SEMA3D: variants seen among roughly 807,000 people sequenced by gnomAD.
SEMA3D encodes the protein semaphorin-3D.
A neutral mutation model predicts 100.1 loss-of-function variants in SEMA3D; 84 were observed. That is an observed-to-expected ratio of 0.84 (90% CI 0.70 to 1.01). The LOEUF is 1.01. SEMA3D is among the 50% of genes least tolerant of loss of function. SEMA3D has a pLI of 0.00. For missense variants in SEMA3D, 875 were observed against 934.1 expected (o/e 0.94, Z 0.82); for synonymous variants, 312 against 320.7 (o/e 0.97, Z 0.29).
At chr7:85,165,292 C>A (rs957322064) in intron 1 of SEMA3D, among the ~76,000 whole-genome samples, 3 of 149,976 alleles carry the variant, frequency 2.0e-5, no homozygotes, top group Admixed American at 1.3e-4. Flanking sequence ...AAAAAAACTT[C>A]TAGAGTGAGA....
chr7:84,997,582 A>G lies in SEMA3D; in HGVS notation c.*1858T>C, dbSNP rs1487969106. 14 of 152,206 alleles carry G rather than the reference A, an allele frequency of 9.2e-5. No homozygotes were observed. The highest frequency in any genetic ancestry group is 4.4e-5 in the Non-Finnish European group (3 of 67,970). The allele number at this position is 152,206 out of a possible 1,614,324, so 9.4% of individuals were successfully genotyped here. A position where few individuals can be genotyped will look rare whatever the true frequency, so the allele number is the denominator to read the frequency against. ...ATCAAAAGGGAGTACTCAATCTCAT[A>G]TATCAGTTTGACTACTTTGAGATAG... On this transcript the variant is annotated 3_prime_UTR_variant, in exon 19 of 19. Transcript: ENST00000284136.
rs932873295 is a variant in SEMA3D, at chr7:85,130,059, A to C, written c.-40-8128T>G. ...ATTTAATGAAACACCTTAGGGAAGT[A>C]AACACCCTAGGGAAATAGGATAAAA... On this transcript the variant is annotated intron_variant, in intron 2 of 18. Transcript: ENST00000284136. Among the ~76,000 whole-genome samples the C allele has an allele frequency of 2.6e-5, 4 of 152,146 alleles. No individual in the cohort carries two copies. The East Asian group carries it at 7.7e-4, about 29-fold the overall frequency.
chr7:85,049,638 G>A (rs780203349), intron 9 of SEMA3D, among the ~76,000 whole-genome samples: 4 of 151,858 alleles, frequency 2.6e-5, no homozygotes, highest in Non-Finnish European at 5.9e-5. Context: ...TAGGTTGTAA[G>A]TGACATGCTG....
the SEMA3D span, among the ~76,000 whole-genome samples, chr7:85,228,449 G>A: frequency 6.6e-6 from 1 of 152,138 alleles, no homozygotes; most frequent in Non-Finnish European, 1.5e-5. Context: ...GATAGGAAGA[G>A]AGATATGTAA....
intron 18 of SEMA3D, among the ~76,000 whole-genome samples, chr7:85,004,730 G>A (rs1223737294): frequency 2.0e-5 from 3 of 151,996 alleles, no homozygotes; most frequent in Admixed American, 6.6e-5. Context: ...ATCCTGCTGG[G>A]AAAAATGCTT....
In SEMA3D at chr7:85,103,973, G is replaced by A. The variant is rs1788826387; in HGVS notation, c.152-6008C>T. Among the ~76,000 whole-genome samples, 4 of 152,036 alleles carry A rather than the reference G, an allele frequency of 2.6e-5. No homozygotes were observed. The South Asian group carries it at 8.3e-4, about 31-fold the overall frequency. ...ATGAAATTTTCACGTTTGTATGTAT[G>A]TGTGCATTTTTTGAAGAGTTTCTTC... On this transcript the variant is annotated intron_variant, in intron 3 of 18. Coordinates refer to ENST00000284136, the MANE Select transcript of SEMA3D (RefSeq NM_001384900.1).
At chr7:85,185,453 A>T (rs1018412402) in intron 1 of SEMA3D, among the ~76,000 whole-genome samples, 1 of 152,180 alleles carries the variant, frequency 6.6e-6, no homozygotes, top group African/African-American at 2.4e-5. Flanking sequence ...AATAGCACTA[A>T]GCTAAACGGA....
chr7:85,182,074 C>A (rs544158524), intron 1 of SEMA3D, among the ~76,000 whole-genome samples: 24 of 151,820 alleles, frequency 1.6e-4, no homozygotes, highest in African/African-American at 5.3e-4. Flanking sequence ...ATGGTGAATT[C>A]TTCTTTTCTT....
intron 2 of SEMA3D, among the ~76,000 whole-genome samples, chr7:85,134,123 A>G (rs1484697651): frequency 5.3e-5 from 8 of 152,020 alleles, no homozygotes. Flanking sequence ...CTTCTAATTC[A>G]TTGAGCCTCT....
chr7:85,128,731 A>AATTG lies in SEMA3D; in HGVS notation c.-40-6804_-40-6801dup, dbSNP rs200662635. On this transcript the variant is annotated intron_variant, in intron 2 of 18. Coordinates refer to ENST00000284136, the MANE Select transcript of SEMA3D (RefSeq NM_001384900.1). The stretch of plus-strand genomic sequence containing the variant: ...GAATAAATGGATTTGAATTGTAAAA[A>AATTG]ATTGATTATTCATAATAAAATGTAC... Among the ~76,000 whole-genome samples, 1,002 of 151,884 alleles carry AATTG rather than the reference A, an allele frequency of 6.6e-3. 6 individuals carry two copies. The highest frequency in any genetic ancestry group is 0.023 in the African/African-American group (934 of 41,496).
chr7:85,079,826 A>C (rs953892458), intron 5 of SEMA3D, among the ~76,000 whole-genome samples: 44 of 152,236 alleles, frequency 2.9e-4, no homozygotes, highest in South Asian at 1.0e-3. Flanking sequence ...ACTGTCCATT[A>C]AATGACATAA....
At chr7:85,032,148 G>A (rs775703283) in intron 12 of SEMA3D, among the ~76,000 whole-genome samples, 9 of 151,816 alleles carry the variant, frequency 5.9e-5, no homozygotes, top group Non-Finnish European at 1.3e-4. Flanking sequence ...GGTGAATTAC[G>A]TGGTCTTTAT....
At chr7:85,029,467 C>T in intron 12 of SEMA3D, 1 of 721,220 alleles carries the variant, frequency 1.4e-6, no homozygotes, top group Non-Finnish European at 2.6e-6. Context: ...ACAGAAGATT[C>T]TTAGCAAGTG....
intron 2 of SEMA3D, chr7:85,140,786 G>C (rs1411286162): frequency 7.3e-6 from 7 of 960,986 alleles, no homozygotes; most frequent in Non-Finnish European, 8.7e-6. Context: ...TTTTGCTGCT[G>C]CTTAATTATT....
At chr7:85,106,890 A>C (rs1340329628) in intron 3 of SEMA3D, among the ~76,000 whole-genome samples, 2 of 151,996 alleles carry the variant, frequency 1.3e-5, no homozygotes, top group Non-Finnish European at 2.9e-5. Flanking sequence ...GCATGGGGGA[A>C]ACCGCCCTCA....
chr7:85,117,185 C>T (rs1417042442), intron 3 of SEMA3D, among the ~76,000 whole-genome samples: 3 of 152,024 alleles, frequency 2.0e-5, no homozygotes, highest in Non-Finnish European at 2.9e-5. Context: ...CCCAAACTAC[C>T]GAAGTGAAAA....
Position 84,999,194 on chromosome 7 carries a change from C to T in SEMA3D, c.*246G>A, listed in dbSNP as rs530871042. On this transcript the variant is annotated 3_prime_UTR_variant, in exon 19 of 19. Transcript: ENST00000284136. Reference sequence around the variant, plus strand: ...AACTCAAAACATAAAACATTTACAACTGTAAACCCCCTATTTTTAGGATAA... The same window carrying T: ...AACTCAAAACATAAAACATTTACAATTGTAAACCCCCTATTTTTAGGATAA... 2.0e-6 allele frequency: 1 copy of T among 496,674 alleles called. No individual in the cohort carries two copies. The highest frequency in any genetic ancestry group is 3.5e-5 in the Admixed American group (1 of 28,284). The allele number at this position is 496,674 out of a possible 1,614,324, so 30.8% of individuals were successfully genotyped here.
At chr7:85,062,070 G>A (rs1397178158) in intron 8 of SEMA3D, among the ~76,000 whole-genome samples, 4 of 152,156 alleles carry the variant, frequency 2.6e-5, no homozygotes, top group Admixed American at 2.6e-4. Context: ...ATTTTGAGCC[G>A]ATGAACTGTA....
intron 2 of SEMA3D, chr7:85,141,957 T>C: frequency 8.2e-6 from 8 of 981,592 alleles, no homozygotes; most frequent in Non-Finnish European, 9.7e-6. Flanking sequence ...AAAAAGAGAA[T>C]AGGAAAAAGA....
Sources: allele counts gnomAD v4.1 joint callset (sites outside exome capture counted in the v4.1 genomes callset), GRCh38; gene constraint gnomAD v4.1.1; transcripts MANE v1.5; gene names NCBI Gene and HGNC (gene_info 2026-07-23, HGNC 2026-07-21).